ADGRA2: variants seen among roughly 807,000 people sequenced by gnomAD.
ADGRA2 encodes G-protein coupled receptor 124.
A neutral mutation model predicts 98.7 loss-of-function variants in ADGRA2; 61 were observed. The ratio of observed to expected loss-of-function variants is 0.62; its 90% CI spans 0.50 to 0.76. The LOEUF is 0.76. ADGRA2 is among the 30% of genes least tolerant of loss of function. The pLI, the probability that ADGRA2 is intolerant of heterozygous loss-of-function variation, is 0.00. For missense variants in ADGRA2, 1,712 were observed against 1,860.0 expected (o/e 0.92, Z 1.46); for synonymous variants, 858 against 831.5 (o/e 1.03, Z -0.55).
Position 37,835,623 on chromosome 8 carries a change from C to T in ADGRA2, c.1903C>T (p.Pro635Ser), listed in dbSNP as rs780827422. ...CTCATCCCTTCCGGCTGCCCTGGCT[C>T]CCCCGGTGCCCCCAGACTGCACCCT... ...LFSSLPAALA[P>S]PVPPDCTLQL... The change falls in exon 13 of 19, where the codon CCC becomes TCC. Residue 635 changes from proline (P) to serine (S), a missense_variant. Physicochemically the swap from Pro to Ser is moderately conservative, Grantham distance 74. Transcript: ENST00000412232. 51 of 1,612,790 alleles carry T rather than the reference C, an allele frequency of 3.2e-5. No individual in the cohort carries two copies. Among genetic ancestry groups the T allele is most frequent in the Non-Finnish European group, 3.7e-5 (44 of 1,179,092 alleles).
Position 37,797,415 on chromosome 8 carries a change from G to A in ADGRA2, c.147G>A (p.Glu49=). 2.1e-6 allele frequency: 3 copies of A among 1,431,220 alleles called. No homozygotes were observed. Among genetic ancestry groups the A allele is most frequent in the South Asian group, 2.9e-5 (2 of 68,084 alleles). The allele number at this position is 1,431,220 out of a possible 1,614,324, so 88.7% of individuals were successfully genotyped here. A position where few individuals can be genotyped will look rare whatever the true frequency, so the allele number is the denominator to read the frequency against. ...LSIRSCKCSG[E]RPKGLSGGVP... is the part of the protein sequence containing the mutation. Reference sequence around the variant, plus strand: ...TCCGCAGCTGCAAGTGCTCGGGGGAGCGGCCCAAGGGGCTGAGCGGCGGCG... The same window carrying A: ...TCCGCAGCTGCAAGTGCTCGGGGGAACGGCCCAAGGGGCTGAGCGGCGGCG... Residue 49 remains glutamate (E), a synonymous_variant, in exon 1 of 19, where the codon GAG becomes GAA. Transcript: ENST00000412232. This position sits in a 1 kb window ranked among gnomAD's most constrained non-coding sequence, Gnocchi z 5.3.
In ADGRA2 at chr8:37,814,297, G is replaced by GCATT. The variant is rs1804919988; in HGVS notation, c.267-599_267-598insCATT. Among the ~76,000 whole-genome samples the GCATT allele has an allele frequency of 6.6e-6, 1 of 152,192 alleles. No homozygotes were observed. Among genetic ancestry groups the GCATT allele is most frequent in the South Asian group, 2.1e-4 (1 of 4,834 alleles). ...TGAGGCCTGGCTTCCCCTACACTCG[G>GCATT]GGCTCCATTGGCTTTCTGCCAAGGC... On this transcript the variant is annotated intron_variant, in intron 1 of 18. Coordinates refer to ENST00000412232, the MANE Select transcript of ADGRA2 (RefSeq NM_032777.10). The surrounding 1 kb of genome is among the most constrained non-coding windows in gnomAD (Gnocchi z 4.3).
Position 37,831,575 on chromosome 8 carries a change from G to T in ADGRA2, c.1085G>T (p.Arg362Leu), listed in dbSNP as rs142198191. The change falls in exon 8 of 19, where the codon CGC (arginine) becomes CTC (leucine). Residue 362 changes from arginine to leucine, a missense_variant. Transcript: ENST00000412232. ...CCCGCCGAGCGTGTTGCCAACAACC[G>T]CGGGGACTTCAGGTTTGGCCCACTC... ...YCPAERVANN[R>L]GDFRWPRTLA... 3.1e-6 allele frequency: 5 copies of T among 1,613,724 alleles called. No homozygotes were observed. The highest frequency in any genetic ancestry group is 4.2e-6 in the Non-Finnish European group (5 of 1,180,002).
At position 37,841,713 on chromosome 8, in the gene ADGRA2, C is replaced by T; in HGVS notation, c.3375C>T (p.Ser1125=). Residue 1125 remains serine, a synonymous_variant, in exon 19 of 19, where the codon AGC becomes AGT. Transcript: ENST00000412232. This position sits in a 1 kb window ranked among gnomAD's most constrained non-coding sequence, Gnocchi z 5.0. ...PSLKSSPSGS[S]GHPLALGPCK... ...TCAAGTCCTCCCCAAGCGGCAGCAG[C>T]GGCCATCCGCTGGCTCTGGGCCCCT... 1 of 1,541,400 alleles carries T rather than the reference C, an allele frequency of 6.5e-7. No homozygotes were observed. Among genetic ancestry groups the T allele is most frequent in the Non-Finnish European group, 8.7e-7 (1 of 1,143,870 alleles).
At position 37,797,283 on chromosome 8, in the gene ADGRA2, A is replaced by G. The variant is rs1221241128; in HGVS notation, c.15A>G (p.Gly5=). The change falls in exon 1 of 19, where the codon GGA becomes GGG. Residue 5 remains glycine (G), a synonymous_variant. Transcript: ENST00000412232. This position sits in a 1 kb window ranked among gnomAD's most constrained non-coding sequence, Gnocchi z 5.3. The part of the protein sequence containing the change: MGAG[G]RRMRGAPARL... ...GCGATGGGTTGATGGGCGCCGGGGGACGCAGGATGCGGGGGGCGCCCGCGC... is the reference window on the plus strand; with the variant it reads ...GCGATGGGTTGATGGGCGCCGGGGGGCGCAGGATGCGGGGGGCGCCCGCGC... The G allele has an allele frequency of 3.6e-5, 47 of 1,297,782 alleles. No homozygotes were observed. The East Asian group carries it at 1.5e-3, about 40-fold the overall frequency. 80.4% of individuals were successfully genotyped at this position (1,297,782 alleles called of 1,614,324 possible). A position where few individuals can be genotyped will look rare whatever the true frequency, so the allele number is the denominator to read the frequency against.
At chr8:37,819,310 G>A (rs1805065068) in intron 2 of ADGRA2, among the ~76,000 whole-genome samples, 1 of 152,166 alleles carries the variant, frequency 6.6e-6, no homozygotes, top group Non-Finnish European at 1.5e-5. Flanking sequence ...TTCAGGGCTG[G>A]AGGAGCTCAG....
intron 1 of ADGRA2, among the ~76,000 whole-genome samples, chr8:37,808,183 C>T (rs1037566580): frequency 4.6e-5 from 7 of 152,226 alleles, no homozygotes; most frequent in Non-Finnish European, 8.8e-5. Context: ...GAACAGGAGA[C>T]TCCAGGGACT....
intron 8 of ADGRA2, among the ~76,000 whole-genome samples, chr8:37,832,791 T>TA (rs1288721399): frequency 6.6e-6 from 1 of 152,154 alleles, no homozygotes; most frequent in Non-Finnish European, 1.5e-5. Flanking sequence ...AACTTGAATT[T>TA]AAACTCAGAA....
intron 11 of ADGRA2, among the ~76,000 whole-genome samples, 153 bp from the exon 12 acceptor site, chr8:37,835,021 C>T (rs1346848847): frequency 7.5e-6 from 1 of 133,058 alleles, no homozygotes; most frequent in Non-Finnish European, 1.6e-5. Flanking sequence ...AGAATCTGTT[C>T]CTCTAAAAAA....
chr8:37,803,389 G>T (rs1371821101), intron 1 of ADGRA2, among the ~76,000 whole-genome samples: 4 of 152,172 alleles, frequency 2.6e-5, no homozygotes, highest in Non-Finnish European at 5.9e-5. Flanking sequence ...CTCCCTGGGA[G>T]CAGCCAGAGA....
At chr8:37,819,000 C>T (rs981415868) in intron 2 of ADGRA2, among the ~76,000 whole-genome samples, 1 of 152,074 alleles carries the variant, frequency 6.6e-6, no homozygotes, top group African/African-American at 2.4e-5. Flanking sequence ...AATAGAAGGG[C>T]AGTGTGAGCT....
At position 37,797,751 on chromosome 8, in the gene ADGRA2, C is replaced by A. The variant is rs1035071913; in HGVS notation, c.266+217C>A. On this transcript the variant is annotated intron_variant, in intron 1 of 18. Transcript: ENST00000412232. The surrounding 1 kb of genome is among the most constrained non-coding windows in gnomAD (Gnocchi z 5.3). ...GCGGGAAGGGGCTGCGGGGGACAGG[C>A]GCACCCCAGAGAAAGGCACCGCAGG... Among the ~76,000 whole-genome samples the A allele has an allele frequency of 2.0e-5, 3 of 152,160 alleles. No individual in the cohort carries two copies. The highest frequency in any genetic ancestry group is 4.8e-5 in the African/African-American group (2 of 41,458).
At chr8:37,824,151 C>T (rs1805201711) in intron 2 of ADGRA2, among the ~76,000 whole-genome samples, 1 of 152,092 alleles carries the variant, frequency 6.6e-6, no homozygotes, top group South Asian at 2.1e-4. Flanking sequence ...CCTGCCTCTG[C>T]TTCCTGAATA....
intron 1 of ADGRA2, among the ~76,000 whole-genome samples, chr8:37,805,287 C>G (rs759708286): frequency 6.6e-6 from 1 of 152,246 alleles, no homozygotes; most frequent in African/African-American, 2.4e-5. Flanking sequence ...CTCTGCCCTT[C>G]TGTCCTTACA....
chr8:37,804,274 G>C (rs948751885), intron 1 of ADGRA2, among the ~76,000 whole-genome samples: 2 of 152,196 alleles, frequency 1.3e-5, no homozygotes, highest in African/African-American at 4.8e-5. Context: ...ATCTCCAGGA[G>C]AAAGGAAGAG....
chr8:37,817,169 T>G (rs1364551289), intron 2 of ADGRA2, among the ~76,000 whole-genome samples: 2 of 152,048 alleles, frequency 1.3e-5, no homozygotes, highest in Admixed American at 1.3e-4. Context: ...CCCCCGAAGC[T>G]GGGAGGAAAG....
chr8:37,801,445 G>C (rs1804501328), intron 1 of ADGRA2, among the ~76,000 whole-genome samples: 1 of 152,168 alleles, frequency 6.6e-6, no homozygotes. Flanking sequence ...TGGGAGGAAG[G>C]TGCAGACCAC....
At chr8:37,811,474 C>CTT (rs34759771) in intron 1 of ADGRA2, among the ~76,000 whole-genome samples, 17 of 112,208 alleles carry the variant, frequency 1.5e-4, no homozygotes, top group South Asian at 3.0e-4. Context: ...ACCCAGCCAA[C>CTT]TTTTTTTTTT....
At position 37,841,337 on chromosome 8, in the gene ADGRA2, T is replaced by A; in HGVS notation, c.2999T>A (p.Val1000Glu). The A allele has an allele frequency of 6.2e-7, 1 of 1,606,154 alleles. No homozygotes were observed. The highest frequency in any genetic ancestry group is 1.7e-5 in the Admixed American group (1 of 58,580). The change falls in exon 19 of 19, where the codon GTG becomes GAG. Residue 1000 changes from valine (V) to glutamate (E), a missense_variant. Physicochemically the swap from Val to Glu is moderately radical, Grantham distance 121. Transcript: ENST00000412232. This position sits in a 1 kb window ranked among gnomAD's most constrained non-coding sequence, Gnocchi z 5.0. ...CTTCTTGCTACTGGGAGCGCGCGAGTGGGGACGCCCGGGCCCCCGGAGGAT... is the reference window on the plus strand; with the variant it reads ...CTTCTTGCTACTGGGAGCGCGCGAGAGGGGACGCCCGGGCCCCCGGAGGAT... ...GSLLATGSAR[V>E]GTPGPPEDGD...
Sources: allele counts gnomAD v4.1 joint callset (sites outside exome capture counted in the v4.1 genomes callset), GRCh38; gene constraint gnomAD v4.1.1; non-coding constraint Gnocchi (gnomAD v3.1); transcripts MANE v1.5; gene names NCBI Gene and HGNC (gene_info 2026-07-23, HGNC 2026-07-21).